The following CTNNA1 variants were observed in gnomAD, a reference collection of about 807,000 sequenced individuals.
The protein encoded by CTNNA1 is catenin alpha 1, also known as catenin alpha-1.
In CTNNA1, 37 loss-of-function variants were observed where a neutral mutation model predicts 98.4. That is an observed-to-expected ratio of 0.38 (90% CI 0.29 to 0.49). CTNNA1 has a LOEUF of 0.49. Among genes scored for constraint, CTNNA1 ranks in the 20% least tolerant of loss-of-function variants. The pLI is 0.95. For synonymous variants in CTNNA1, 404 were observed against 413.2 expected (o/e 0.98, Z 0.27); for missense variants, 761 against 1,147.2 (o/e 0.66, Z 4.86).
At chr5:138,841,561 G>A (rs1215964120) in intron 7 of CTNNA1, among the ~76,000 whole-genome samples, 1 of 152,166 alleles carries the variant, frequency 6.6e-6, no homozygotes, top group African/African-American at 2.4e-5. Flanking sequence ...CACCAGGCCT[G>A]TTTTGAAGAG....
intron 3 of CTNNA1, among the ~76,000 whole-genome samples, chr5:138,800,084 A>T (rs755429502): frequency 4.6e-5 from 7 of 152,082 alleles, no homozygotes; most frequent in Non-Finnish European, 1.5e-5. Context: ...TTTAGTAGAG[A>T]CGGGGTTTTG....
intron 1 of CTNNA1, among the ~76,000 whole-genome samples, chr5:138,774,752 GC>G (rs900377982): frequency 3.7e-4 from 57 of 152,068 alleles, no homozygotes; most frequent in Admixed American, 7.2e-4. Context: ...CTCCTGAGTA[GC>G]TGGGACTACA....
chr5:138,909,359 C>G (rs116716227), intron 10 of CTNNA1, among the ~76,000 whole-genome samples: 4,368 of 151,198 alleles, frequency 0.029, 93 homozygotes, highest in African/African-American at 0.053. Context: ...CCTCCCCCCC[C>G]ACCCTTTTTT....
At chr5:138,918,387 C>G (rs1003916191) in intron 11 of CTNNA1, among the ~76,000 whole-genome samples, 6 of 152,236 alleles carry the variant, frequency 3.9e-5, no homozygotes, top group Non-Finnish European at 7.4e-5. Flanking sequence ...TAATTTCTTC[C>G]CTTCTTGGAA....
chr5:138,904,179 A>G (rs1758664234), intron 9 of CTNNA1, among the ~76,000 whole-genome samples, 170 bp from the exon 10 acceptor site: 1 of 152,252 alleles, frequency 6.6e-6, no homozygotes, highest in African/African-American at 2.4e-5. Flanking sequence ...TGCTTTGTGT[A>G]GAGTTAAAAA....
In CTNNA1 at chr5:138,812,233, A is replaced by G. The variant is rs1758895169; in HGVS notation, c.519A>G (p.Leu173=). 6.2e-7 allele frequency: 1 copy of G among 1,613,824 alleles called. No homozygotes were observed. The highest frequency in any genetic ancestry group is 1.3e-5 in the African/African-American group (1 of 75,054). ...GGAATGCTGGCAATGAACAAGACTTAGGAATCCAGTATAAAGCCCTAAAAC... is the reference window on the plus strand; with the variant it reads ...GGAATGCTGGCAATGAACAAGACTTGGGAATCCAGTATAAAGCCCTAAAAC... The part of the protein sequence containing the change: ...KLRNAGNEQD[L]GIQYKALKPE... Residue 173 remains leucine, a synonymous_variant, in exon 5 of 18, where the codon TTA becomes TTG. Coordinates refer to ENST00000302763, the MANE Select transcript of CTNNA1 (RefSeq NM_001903.5).
intron 3 of CTNNA1, among the ~76,000 whole-genome samples, chr5:138,804,274 A>C (rs1369833047): frequency 2.0e-5 from 3 of 152,212 alleles, no homozygotes; most frequent in Non-Finnish European, 4.4e-5. Flanking sequence ...ATGTTACTGC[A>C]TTCAATACTG....
intron 10 of CTNNA1, among the ~76,000 whole-genome samples, chr5:138,911,763 A>G (rs1760679310): frequency 6.6e-6 from 1 of 152,250 alleles, no homozygotes; most frequent in South Asian, 2.1e-4. Flanking sequence ...TTATTACAGA[A>G]GCAATAGTAG....
At chr5:138,799,188 T>C (rs1431083008) in intron 3 of CTNNA1, among the ~76,000 whole-genome samples, 1 of 152,106 alleles carries the variant, frequency 6.6e-6, no homozygotes, top group African/African-American at 2.4e-5. Flanking sequence ...TAGACAGAGT[T>C]TCGCTCTTGT....
At chr5:138,828,079 G>C (rs902749131) in intron 7 of CTNNA1, 1 of 210,418 alleles carries the variant, frequency 4.8e-6, no homozygotes, top group Non-Finnish European at 9.8e-6. Context: ...GAAAGTTGTA[G>C]ACATTGTGAT....
At chr5:138,925,788 C>T (rs762619621) in intron 13 of CTNNA1, among the ~76,000 whole-genome samples, 11 of 152,170 alleles carry the variant, frequency 7.2e-5, no homozygotes, top group East Asian at 3.9e-4. Flanking sequence ...CCCCTCTCTT[C>T]GGAGGGGCTG....
chr5:138,862,921 G>A (rs369526642), intron 7 of CTNNA1, among the ~76,000 whole-genome samples: 1 of 152,116 alleles, frequency 6.6e-6, no homozygotes, highest in South Asian at 2.1e-4. Context: ...CTCTCTACAC[G>A]TTGCTATTAA....
chr5:138,902,651 C>T (rs1263083582), intron 9 of CTNNA1, among the ~76,000 whole-genome samples: 1 of 152,216 alleles, frequency 6.6e-6, no homozygotes, highest in Non-Finnish European at 1.5e-5. Flanking sequence ...GATCTCCTGA[C>T]CTCATGATCC....
intron 7 of CTNNA1, among the ~76,000 whole-genome samples, chr5:138,850,940 A>G (rs1007264164): frequency 3.3e-5 from 5 of 152,192 alleles, no homozygotes; most frequent in African/African-American, 1.2e-4. Flanking sequence ...GCCATGCACA[A>G]ACGTTCTGTT....
chr5:138,805,430 CT>C (rs914663187), intron 3 of CTNNA1, among the ~76,000 whole-genome samples: 10 of 151,992 alleles, frequency 6.6e-5, no homozygotes, highest in African/African-American at 2.2e-4. Context: ...TATTATCTGC[CT>C]TTTTTATTAT....
chr5:138,810,495 C>A (rs568122095), intron 4 of CTNNA1, among the ~76,000 whole-genome samples: 25 of 152,232 alleles, frequency 1.6e-4, no homozygotes, highest in Admixed American at 9.2e-4. Flanking sequence ...TTGTAGAGTT[C>A]TGGAGTTGAG....
At chr5:138,828,582 A>G (rs1005842301) in intron 7 of CTNNA1, among the ~76,000 whole-genome samples, 8 of 152,230 alleles carry the variant, frequency 5.3e-5, no homozygotes, top group African/African-American at 1.7e-4. Context: ...TTTAAGGGGA[A>G]GAAGGACAAC....
chr5:138,856,294 A>C (rs1279836289), intron 7 of CTNNA1, among the ~76,000 whole-genome samples: 2 of 152,218 alleles, frequency 1.3e-5, no homozygotes, highest in East Asian at 3.8e-4. Context: ...GTGAGGGAGT[A>C]AAATTAACAT....
chr5:138,877,810 C>G (rs542162958), intron 7 of CTNNA1, among the ~76,000 whole-genome samples: 1 of 152,196 alleles, frequency 6.6e-6, no homozygotes, highest in African/African-American at 2.4e-5. Context: ...GTCAGCTACC[C>G]TCTGATGAAA....
Sources: gnomAD v4.1 joint callset for allele counts (sites outside exome capture counted in the v4.1 genomes callset) on GRCh38, gnomAD v4.1.1 for gene constraint, MANE v1.5 for transcripts, NCBI Gene and HGNC (gene_info 2026-07-23, HGNC 2026-07-21) for gene names.